Variants in SEL1L observed in about 807,000 individuals in gnomAD.
The protein encoded by SEL1L is SEL1L adaptor subunit of SYVN1 ubiquitin ligase, also known as protein sel-1 homolog 1.
SEL1L carries 52 observed loss-of-function variants against 109.8 expected under a neutral mutation model. The ratio of observed to expected loss-of-function variants is 0.47; its 90% confidence interval spans 0.38 to 0.60. SEL1L has a LOEUF of 0.60. Among genes scored for constraint, SEL1L ranks in the 20% least tolerant of loss-of-function variants. The pLI is 0.00. For missense variants in SEL1L, 749 were observed against 962.2 expected (o/e 0.78, Z 2.93); for synonymous variants, 373 against 339.6 (o/e 1.10, Z -1.08).
rs1224431988 is a variant in SEL1L at position 81,477,325 on chromosome 14, G to C, written c.2176-144C>G. On this transcript the variant is annotated intron_variant, in intron 20 of 20. Coordinates refer to ENST00000336735, the MANE Select transcript of SEL1L (RefSeq NM_005065.6). Reference sequence around the variant, plus strand: ...GCAATGTGTGTGTGTGTGTGTGTGTGTGTGTGTGTGTTTAAAGCGGTTTTA... The same window carrying C: ...GCAATGTGTGTGTGTGTGTGTGTGTCTGTGTGTGTGTTTAAAGCGGTTTTA... 2 of 643,872 alleles carry C rather than the reference G, an allele frequency of 3.1e-6. 1 individual carries two copies. The highest frequency in any genetic ancestry group is 3.6e-5 in the African/African-American group (2 of 54,888). The allele number at this position is 643,872 out of a possible 1,614,324, so 39.9% of individuals were successfully genotyped here.
chr14:81,497,808 C>A (rs758021777), intron 10 of SEL1L, 84 bp downstream of exon 10: 23 of 1,226,340 alleles, frequency 1.9e-5, no homozygotes, highest in Non-Finnish European at 2.6e-5. Flanking sequence ...ATGTAACTTA[C>A]AGATATAAGT....
chr14:81,474,698 T>C lies in SEL1L; in HGVS notation c.*2274A>G, dbSNP rs1369149497. 1 of 152,150 alleles carries C rather than the reference T, an allele frequency of 6.6e-6. No homozygotes were observed. The highest frequency in any genetic ancestry group is 2.4e-5 in the African/African-American group (1 of 41,428). The allele number at this position is 152,150 out of a possible 1,614,324, so 9.4% of individuals were successfully genotyped here. ...TTGAGACAGTCTTTAAGTGAAGCCA[T>C]AAGAACTAAGTTATTTGAAAGACAC... On this transcript the variant is annotated 3_prime_UTR_variant, in exon 21 of 21. Coordinates refer to ENST00000336735, the MANE Select transcript of SEL1L (RefSeq NM_005065.6).
chr14:81,499,368 T>C (rs1381435840), intron 8 of SEL1L, 91 bp downstream of exon 8: 2 of 1,546,724 alleles, frequency 1.3e-6, no homozygotes, highest in Admixed American at 2.2e-5. Flanking sequence ...CAAGCAAATC[T>C]GGATCATGAA....
At chr14:81,500,359 G>A (rs1413639295) in intron 6 of SEL1L, among the ~76,000 whole-genome samples, 1 of 151,910 alleles carries the variant, frequency 6.6e-6, no homozygotes, top group Non-Finnish European at 1.5e-5. Flanking sequence ...TCAGCCTCCC[G>A]AGTAGTTGGG....
rs1194695493 is a variant in SEL1L, at chr14:81,516,567, G to T, written c.340+10166C>A. On this transcript the variant is annotated intron_variant, in intron 3 of 20. Transcript: ENST00000336735. The stretch of plus-strand genomic sequence containing the variant: ...AACCCTGAAGTCTGGGCATTAGAAG[G>T]AACAAATTCCGGACACGCCACCATT... 3.3e-5 allele frequency among the ~76,000 whole-genome samples: 5 copies of T among 152,226 alleles called. No individual in the cohort carries two copies. The East Asian group carries it at 7.7e-4, about 24-fold the overall frequency.
rs1885437481 is a variant in SEL1L, at chr14:81,533,853, T to C, written c.-109A>G. 2 of 1,158,404 alleles carry C rather than the reference T, an allele frequency of 1.7e-6. No homozygotes were observed. Among genetic ancestry groups the C allele is most frequent in the Non-Finnish European group, 2.5e-6 (2 of 800,374 alleles). 71.8% of individuals were successfully genotyped at this position (1,158,404 alleles called of 1,614,324 possible). A position where few individuals can be genotyped will look rare whatever the true frequency, so the allele number is the denominator to read the frequency against. ...CGCTGCTCTTCCTGCTCTAGTCTCCTTCCTCCGCCCCTTCCCAGGCTTCCC... is the reference window on the plus strand; with the variant it reads ...CGCTGCTCTTCCTGCTCTAGTCTCCCTCCTCCGCCCCTTCCCAGGCTTCCC... On this transcript the variant is annotated 5_prime_UTR_variant, in exon 1 of 21. Coordinates refer to ENST00000336735, the MANE Select transcript of SEL1L (RefSeq NM_005065.6).
rs1179281491 is a variant in SEL1L at position 81,495,284 on chromosome 14, C to T, written c.1129-147G>A. 4.3e-6 allele frequency: 3 copies of T among 697,394 alleles called. No individual in the cohort carries two copies. In the Admixed American group the frequency reaches 8.4e-5, roughly 20 times the overall value. 43.2% of individuals were successfully genotyped at this position (697,394 alleles called of 1,614,324 possible). A position where few individuals can be genotyped will look rare whatever the true frequency, so the allele number is the denominator to read the frequency against. The stretch of plus-strand genomic sequence containing the variant: ...GATTTAGTCTTAACTCCTGAAAATG[C>T]TATTCTACTTTAATTAACCTAAAAA... On this transcript the variant is annotated intron_variant, in intron 10 of 20. Coordinates refer to ENST00000336735, the MANE Select transcript of SEL1L (RefSeq NM_005065.6).
At chr14:81,492,699 G>T in intron 11 of SEL1L, 151 bp from the exon 12 acceptor site, 1 of 571,568 alleles carries the variant, frequency 1.7e-6, no homozygotes, top group Admixed American at 3.2e-5. Flanking sequence ...TATTTTGAAA[G>T]AGAAATCAGT....
intron 14 of SEL1L, chr14:81,489,047 A>C (rs2139996548): frequency 1.7e-6 from 1 of 579,862 alleles, no homozygotes; most frequent in African/African-American, 1.9e-5. Context: ...AGAAAGTGCC[A>C]GACACAGAGC....
At chr14:81,504,880 G>A (rs2140022751) in intron 4 of SEL1L, among the ~76,000 whole-genome samples, 1 of 152,216 alleles carries the variant, frequency 6.6e-6, no homozygotes, top group South Asian at 2.1e-4. Flanking sequence ...CCCACCATAT[G>A]AGACGGCTGC....
chr14:81,477,247 A>T, intron 20 of SEL1L, 66 bp from the exon 21 acceptor site: 2 of 1,283,422 alleles, frequency 1.6e-6, no homozygotes, highest in Non-Finnish European at 2.2e-6. Context: ...TGGGAAAGTT[A>T]CATCACCAGA....
intron 10 of SEL1L, among the ~76,000 whole-genome samples, chr14:81,496,277 T>C (rs1021365326): frequency 6.6e-6 from 1 of 151,948 alleles, no homozygotes; most frequent in Non-Finnish European, 1.5e-5. Context: ...TGAGCCGAGA[T>C]TGCACCACTG....
chr14:81,493,501 C>T (rs1883626213), intron 11 of SEL1L, among the ~76,000 whole-genome samples: 1 of 139,882 alleles, frequency 7.1e-6, no homozygotes, highest in Admixed American at 7.6e-5. Context: ...CAGAGTGAAC[C>T]CTGTCTCAAA....
chr14:81,511,030 C>A (rs1400200021), intron 3 of SEL1L, among the ~76,000 whole-genome samples: 1 of 152,190 alleles, frequency 6.6e-6, no homozygotes, highest in Non-Finnish European at 1.5e-5. Flanking sequence ...CAATATTTTA[C>A]TGTTGTCTGG....
chr14:81,495,809 C>T (rs1000519510), intron 10 of SEL1L, among the ~76,000 whole-genome samples: 4 of 150,776 alleles, frequency 2.7e-5, no homozygotes, highest in African/African-American at 5.0e-5. Flanking sequence ...TGGTGATGGA[C>T]ATCTGTAATC....
chr14:81,525,221 GGT>G (rs1303405588), intron 3 of SEL1L, among the ~76,000 whole-genome samples: 1 of 151,950 alleles, frequency 6.6e-6, no homozygotes, highest in African/African-American at 2.4e-5. Flanking sequence ...GTTGGTAAGG[GGT>G]GTCATTTTAC....
chr14:81,532,272 T>G (rs1196226895), intron 1 of SEL1L, among the ~76,000 whole-genome samples: 1 of 152,218 alleles, frequency 6.6e-6, no homozygotes, highest in Non-Finnish European at 1.5e-5. Flanking sequence ...GAATCCCTCA[T>G]GGAGATTGTT....
intron 19 of SEL1L, among the ~76,000 whole-genome samples, chr14:81,482,959 G>T (rs950971395): frequency 3.9e-5 from 6 of 152,124 alleles, no homozygotes; most frequent in African/African-American, 1.2e-4. Flanking sequence ...AAAGTGAAAG[G>T]TCCCAGTGTC....
intron 12 of SEL1L, among the ~76,000 whole-genome samples, chr14:81,491,511 G>A (rs1021165983): frequency 1.3e-5 from 2 of 152,144 alleles, no homozygotes; most frequent in African/African-American, 4.8e-5. Flanking sequence ...CTATGCTATG[G>A]AACAGCTGGA....
Sources: allele counts gnomAD v4.1 joint callset (sites outside exome capture counted in the v4.1 genomes callset), GRCh38; gene constraint gnomAD v4.1.1; transcripts MANE v1.5; gene names NCBI Gene and HGNC (gene_info 2026-07-23, HGNC 2026-07-21).